The following PDE5A variants were observed in gnomAD, a reference collection of about 807,000 sequenced individuals.
The protein encoded by PDE5A is phosphodiesterase 5A.
PDE5A carries 67 observed loss-of-function variants against 110.2 expected under a neutral mutation model. That is an observed-to-expected ratio of 0.61 (90% CI 0.50 to 0.75). PDE5A has a LOEUF of 0.75. Ranked by LOEUF, PDE5A falls within the 30% of genes least tolerant of loss-of-function variation. PDE5A has a pLI of 0.00. For missense variants in PDE5A, 862 were observed against 1,045.1 expected (o/e 0.82, Z 2.42); for synonymous variants, 328 against 351.2 (o/e 0.93, Z 0.74).
At chr4:119,592,192 A>G (rs1435137091) in intron 3 of PDE5A, among the ~76,000 whole-genome samples, 1 of 141,506 alleles carries the variant, frequency 7.1e-6, no homozygotes, top group Non-Finnish European at 1.5e-5. Flanking sequence ...GTGGTGGCTC[A>G]TGCCTGTAAT....
chr4:119,608,251 A>C (rs1310086308), intron 1 of PDE5A, among the ~76,000 whole-genome samples: 1 of 152,230 alleles, frequency 6.6e-6, no homozygotes, highest in Non-Finnish European at 1.5e-5. Flanking sequence ...TTAAAACTGC[A>C]GTCCAAGAAA....
chr4:119,526,352 G>A (rs1227809950), intron 11 of PDE5A, among the ~76,000 whole-genome samples: 1 of 152,040 alleles, frequency 6.6e-6, no homozygotes, highest in Non-Finnish European at 1.5e-5. Flanking sequence ...GAATCACCTG[G>A]GTGCCTATTA....
chr4:119,505,963 TAA>T, intron 16 of PDE5A, 31 bp from the exon 17 acceptor site: 3 of 1,275,480 alleles, frequency 2.4e-6, no homozygotes, highest in Non-Finnish European at 3.3e-6. Context: ...TTGTTAGTTA[TAA>T]TGAGTACCCA....
In PDE5A at chr4:119,520,989, A is replaced by C; in HGVS notation, c.1851T>G (p.His617Gln). 6.2e-7 allele frequency: 1 copy of C among 1,613,154 alleles called. No individual in the cohort carries two copies. Among genetic ancestry groups the C allele is most frequent in the Non-Finnish European group, 8.5e-7 (1 of 1,179,268 alleles). Reference sequence around the variant, plus strand: ...ACATGCACTGAGCTGTATTAAAGGCATGTCTCCAATTATGATAGGCAACAT... The same window carrying C: ...ACATGCACTGAGCTGTATTAAAGGCCTGTCTCCAATTATGATAGGCAACAT... ...RKNVAYHNWR[H>Q]AFNTAQCMFA... Residue 617 changes from histidine to glutamine, a missense_variant, in exon 13 of 21, where the codon CAT (histidine) becomes CAG (glutamine). Physicochemically the swap from His to Gln is conservative, Grantham distance 24. Transcript: ENST00000354960.
At chr4:119,587,117 C>T (rs1267209398) in intron 3 of PDE5A, among the ~76,000 whole-genome samples, 2 of 152,152 alleles carry the variant, frequency 1.3e-5, no homozygotes, top group African/African-American at 4.8e-5. Context: ...ACTATCACAA[C>T]CTCAAGTCCA....
At position 119,494,469 on chromosome 4, in the gene PDE5A, T is replaced by A. The variant is rs1279769973; in HGVS notation, c.*4132A>T. 1 of 152,384 alleles carries A rather than the reference T, an allele frequency of 6.6e-6. No homozygotes were observed. Among genetic ancestry groups the A allele is most frequent in the African/African-American group, 2.4e-5 (1 of 41,434 alleles). 9.4% of individuals were successfully genotyped at this position (152,384 alleles called of 1,614,324 possible). A position where few individuals can be genotyped will look rare whatever the true frequency, so the allele number is the denominator to read the frequency against. ...GAGGAAACCACTGACAGGTGAAGAA[T>A]TTGCACAATGGAAAACCACCTTGAC... On this transcript the variant is annotated 3_prime_UTR_variant, in exon 21 of 21. Transcript: ENST00000354960.
At chr4:119,535,087 T>C (rs1457359558) in intron 11 of PDE5A, among the ~76,000 whole-genome samples, 1 of 152,176 alleles carries the variant, frequency 6.6e-6, no homozygotes, top group Non-Finnish European at 1.5e-5. Flanking sequence ...CCACAGACCC[T>C]GACAGAGCAA....
At chr4:119,553,616 A>G (rs1259213432) in intron 8 of PDE5A, 22 bp downstream of exon 8, 1 of 1,144,054 alleles carries the variant, frequency 8.7e-7, no homozygotes, top group East Asian at 2.3e-5. Flanking sequence ...TCTAGCTTCA[A>G]GTCTAAAATT....
At chr4:119,514,491 TTTG>T (rs1282412741) in intron 14 of PDE5A, among the ~76,000 whole-genome samples, 2 of 152,080 alleles carry the variant, frequency 1.3e-5, no homozygotes, top group Non-Finnish European at 2.9e-5. Flanking sequence ...TTTTTTTTTT[TTTG>T]CCTTCTCATT....
chr4:119,563,104 T>C (rs80178044), intron 5 of PDE5A, 134 bp from the exon 6 acceptor site: 20,517 of 597,262 alleles, frequency 0.034, 443 homozygotes, highest in South Asian at 0.069. Context: ...TATAAATACG[T>C]CTCCACTTAT....
At chr4:119,507,489 T>C in intron 16 of PDE5A, 115 bp downstream of exon 16, 1 of 674,124 alleles carries the variant, frequency 1.5e-6, no homozygotes, top group Non-Finnish European at 2.5e-6. Context: ...CGTATTCTGA[T>C]AAGCAGTTTT....
chr4:119,627,082 A>C lies in PDE5A; in HGVS notation c.152+1438T>G. On this transcript the variant is annotated intron_variant, in intron 1 of 20. Coordinates refer to ENST00000354960, the MANE Select transcript of PDE5A (RefSeq NM_001083.4). This position sits in a 1 kb window ranked among gnomAD's most constrained non-coding sequence, Gnocchi z 4.6. ...TGGTGCCACCGGGGCGCCACCACCC[A>C]GCACCCGAGACCCGCCGCGCCCCCG... 1.9e-6 allele frequency: 3 copies of C among 1,596,714 alleles called. No individual in the cohort carries two copies. Among genetic ancestry groups the C allele is most frequent in the Non-Finnish European group, 2.6e-6 (3 of 1,168,524 alleles).
intron 3 of PDE5A, among the ~76,000 whole-genome samples, chr4:119,583,553 T>C (rs1045233704): frequency 6.6e-6 from 1 of 152,236 alleles, no homozygotes; most frequent in Non-Finnish European, 1.5e-5. Flanking sequence ...CCAAGAATCC[T>C]AGTTTTTGGC....
intron 17 of PDE5A, 134 bp downstream of exon 17, chr4:119,505,721 T>C: frequency 3.3e-6 from 2 of 597,564 alleles, no homozygotes. Context: ...TACAACCCTC[T>C]GGAGAAATCT....
At chr4:119,528,705 C>T (rs1726416447) in intron 11 of PDE5A, 1 of 152,092 alleles carries the variant, frequency 6.6e-6, no homozygotes, top group Non-Finnish European at 1.5e-5. Context: ...TTAACATTCT[C>T]TGATATATTA....
At chr4:119,621,535 A>C (rs530635647) in intron 1 of PDE5A, among the ~76,000 whole-genome samples, 58 of 152,374 alleles carry the variant, frequency 3.8e-4, no homozygotes, top group African/African-American at 1.4e-3. Context: ...ACATGGATAG[A>C]TGAATACATG....
At chr4:119,544,675 A>G (rs1209519782) in intron 9 of PDE5A, among the ~76,000 whole-genome samples, 3 of 152,204 alleles carry the variant, frequency 2.0e-5, no homozygotes, top group African/African-American at 7.2e-5. Context: ...TTTAAAAATT[A>G]CTTCACAAGA....
In PDE5A at chr4:119,590,451, T is replaced by C. The variant is rs190125972; in HGVS notation, c.831+6072A>G. ...TTCTCCAGCCAGTAGCTCTTTGACC[T>C]TCCAAAATAAATTATTTTAGCCTTC... On this transcript the variant is annotated intron_variant, in intron 3 of 20. Transcript: ENST00000354960. Among the ~76,000 whole-genome samples, 190 of 152,316 alleles carry C rather than the reference T, an allele frequency of 1.2e-3. 1 individual carries two copies. The highest frequency in any genetic ancestry group is 4.4e-3 in the African/African-American group (181 of 41,578).
intron 11 of PDE5A, chr4:119,526,938 A>T (rs1263964953): frequency 2.0e-5 from 3 of 151,700 alleles, no homozygotes; most frequent in Non-Finnish European, 2.9e-5. Context: ...AGAAAGAAGG[A>T]TTTAAAATGT....
Sources: allele counts gnomAD v4.1 joint callset (sites outside exome capture counted in the v4.1 genomes callset), GRCh38; gene constraint gnomAD v4.1.1; non-coding constraint Gnocchi (gnomAD v3.1); transcripts MANE v1.5; gene names NCBI Gene and HGNC (gene_info 2026-07-23, HGNC 2026-07-21).